Variants in MGMT observed in about 807,000 individuals in gnomAD.
MGMT encodes O-6-methylguanine-DNA methyltransferase.
In MGMT, 14 loss-of-function variants were observed where a neutral mutation model predicts 15.9. The ratio of observed to expected loss-of-function variants is 0.88; its 90% CI spans 0.58 to 1.37. MGMT has a LOEUF of 1.37. MGMT is among the 40% of genes most tolerant of loss of function. The pLI is 0.00. For missense variants in MGMT, 282 were observed against 268.1 expected, an observed-to-expected ratio of 1.05 and a Z score of -0.36; for synonymous variants, 130 against 118.2, an observed-to-expected ratio of 1.10 and a Z score of -0.65.
Position 129,770,239 on chromosome 10 carries a change from C to T in MGMT, c.*3242C>T, listed in dbSNP as rs1848985705. 6.6e-6 allele frequency among the ~76,000 whole-genome samples: 1 copy of T among 152,214 alleles called. No individual in the cohort carries two copies. The highest frequency in any genetic ancestry group is 2.4e-5 in the African/African-American group (1 of 41,462). On this transcript the variant is annotated 3_prime_UTR_variant, in exon 5 of 5. Coordinates refer to ENST00000651593, the MANE Select transcript of MGMT (RefSeq NM_002412.5). The stretch of plus-strand genomic sequence containing the variant: ...TGTAAACAGCAGTATTATCCTGGAA[C>T]TTGTTTCCTACAGAACTGTAAGATA...
intron 2 of MGMT, among the ~76,000 whole-genome samples, chr10:129,643,414 G>T (rs2133091543): frequency 6.6e-6 from 1 of 152,342 alleles, no homozygotes; most frequent in South Asian, 2.1e-4. Context: ...GTAACTCCCT[G>T]GGGGCTGACA....
At chr10:129,505,906 G>A (rs1189592449) in intron 1 of MGMT, among the ~76,000 whole-genome samples, 1 of 151,896 alleles carries the variant, frequency 6.6e-6, no homozygotes, top group African/African-American at 2.4e-5. Flanking sequence ...GGGGTAGTTT[G>A]ATCCCTTCGG....
chr10:129,734,467 C>G (rs1002456547), intron 3 of MGMT, among the ~76,000 whole-genome samples: 1 of 150,956 alleles, frequency 6.6e-6, no homozygotes, highest in African/African-American at 2.4e-5. Context: ...TGGGCTGAGA[C>G]AGTGGGGTCT....
intron 2 of MGMT, among the ~76,000 whole-genome samples, chr10:129,688,158 C>T (rs1029303902): frequency 6.6e-6 from 1 of 152,188 alleles, no homozygotes; most frequent in Non-Finnish European, 1.5e-5. Flanking sequence ...CATACGTGTG[C>T]ATGTGCCTTT....
intron 1 of MGMT, among the ~76,000 whole-genome samples, chr10:129,495,565 C>G (rs1845512175): frequency 6.6e-6 from 1 of 152,152 alleles, no homozygotes; most frequent in East Asian, 1.9e-4. Flanking sequence ...TTCCTGTTTG[C>G]TTGTAGAGAA....
chr10:129,717,141 C>T (rs746811287), intron 3 of MGMT, among the ~76,000 whole-genome samples: 8 of 152,212 alleles, frequency 5.3e-5, no homozygotes, highest in Admixed American at 6.5e-5. Flanking sequence ...TGCTTCAGCC[C>T]GGCAACACAA....
rs549324615 is a variant in MGMT at position 129,543,051 on chromosome 10, C to G, written c.125+6674C>G. 5.9e-5 allele frequency among the ~76,000 whole-genome samples: 9 copies of G among 152,284 alleles called. No homozygotes were observed. The South Asian group carries it at 1.9e-3, about 32-fold the overall frequency. ...ATGGCTAAAAAGACAAGACAGGAAG[C>G]CAAGGTGTTTCTTTTCAGCTCCACA... On this transcript the variant is annotated intron_variant, in intron 2 of 4. Transcript: ENST00000651593.
Position 129,566,771 on chromosome 10 carries a change from G to C in MGMT, c.125+30394G>C, listed in dbSNP as rs1320161015. Reference sequence around the variant, plus strand: ...GTTGGTATTCCTCAGCTCTGCCCCAGGGTCCCTCTGATTCCACGGAGGAGC... The same window carrying C: ...GTTGGTATTCCTCAGCTCTGCCCCACGGTCCCTCTGATTCCACGGAGGAGC... On this transcript the variant is annotated intron_variant, in intron 2 of 4. Transcript: ENST00000651593. This position sits in a 1 kb window ranked among gnomAD's most constrained non-coding sequence, Gnocchi z 4.1. 8.5e-5 allele frequency among the ~76,000 whole-genome samples: 13 copies of C among 152,116 alleles called. No homozygotes were observed. The highest frequency in any genetic ancestry group is 1.8e-4 in the Non-Finnish European group (12 of 68,036).
chr10:129,595,151 G>A (rs1846736599), intron 2 of MGMT, among the ~76,000 whole-genome samples: 1 of 152,154 alleles, frequency 6.6e-6, no homozygotes, highest in African/African-American at 2.4e-5. Flanking sequence ...CCTTTTGTAG[G>A]AAAACTAAGG....
At chr10:129,705,324 G>C (rs1848148016) in intron 2 of MGMT, among the ~76,000 whole-genome samples, 1 of 152,214 alleles carries the variant, frequency 6.6e-6, no homozygotes, top group Non-Finnish European at 1.5e-5. Context: ...TGCTGCTGAG[G>C]CCCTGGTTTC....
chr10:129,496,865 AAATT>A (rs1486549716), intron 1 of MGMT, among the ~76,000 whole-genome samples: 21 of 152,172 alleles, frequency 1.4e-4, no homozygotes, highest in African/African-American at 5.1e-4. Context: ...CTTTTTTAAA[AAATT>A]AATTGTAGAG....
chr10:129,549,095 G>A (rs1589861199), intron 2 of MGMT, among the ~76,000 whole-genome samples: 1 of 152,250 alleles, frequency 6.6e-6, no homozygotes, highest in East Asian at 1.9e-4. Flanking sequence ...ATTTCAGCAC[G>A]TTGACATCAG....
chr10:129,739,978 G>T (rs895084677), intron 3 of MGMT, among the ~76,000 whole-genome samples: 1 of 152,192 alleles, frequency 6.6e-6, no homozygotes, highest in Non-Finnish European at 1.5e-5. Context: ...GTGGCCACTG[G>T]GGGCCCAGGA....
rs1448953343 is a variant in MGMT at position 129,646,744 on chromosome 10, A to ATTTTT, written c.126-61150_126-61149insTTTTT. 1.3e-4 allele frequency among the ~76,000 whole-genome samples: 10 copies of ATTTTT among 79,262 alleles called. 1 individual carries two copies. The highest frequency in any genetic ancestry group is 1.9e-4 in the Non-Finnish European group (7 of 36,002). The allele number at this position is 79,262 out of a possible 152,430, so 52.0% of individuals were successfully genotyped here. A position where few individuals can be genotyped will look rare whatever the true frequency, so the allele number is the denominator to read the frequency against. ...AATATATATATATATATATATATATATATATATATATTTTCAGGGAATGGT... is the reference window on the plus strand; with the variant it reads ...AATATATATATATATATATATATATATTTTTTATATATATATTTTCAGGGAATGGT... On this transcript the variant is annotated intron_variant, in intron 2 of 4. Transcript: ENST00000651593.
At chr10:129,551,039 C>G (rs1267975004) in intron 2 of MGMT, among the ~76,000 whole-genome samples, 1 of 152,156 alleles carries the variant, frequency 6.6e-6, no homozygotes, top group Non-Finnish European at 1.5e-5. Flanking sequence ...TCTACCCTGT[C>G]CCAGCCCCGT....
chr10:129,704,453 G>T lies in MGMT; in HGVS notation c.126-3442G>T, dbSNP rs191568457. On this transcript the variant is annotated intron_variant, in intron 2 of 4. Coordinates refer to ENST00000651593, the MANE Select transcript of MGMT (RefSeq NM_002412.5). Reference sequence around the variant, plus strand: ...ATTAAGGGTACTGGGCTGAATGAGGGCACTGTCTGCGTGAGTTCCCTTGGG... The same window carrying T: ...ATTAAGGGTACTGGGCTGAATGAGGTCACTGTCTGCGTGAGTTCCCTTGGG... Among the ~76,000 whole-genome samples the T allele has an allele frequency of 1.1e-3, 161 of 152,194 alleles. 3 individuals are homozygous for T. Among genetic ancestry groups the T allele is most frequent in the African/African-American group, 3.5e-3 (145 of 41,546 alleles).
intron 1 of MGMT, among the ~76,000 whole-genome samples, chr10:129,481,993 T>G (rs1845363427): frequency 6.6e-6 from 1 of 152,242 alleles, no homozygotes; most frequent in Non-Finnish European, 1.5e-5. Flanking sequence ...GGGTAGAGGC[T>G]TAGATCATTT....
At chr10:129,558,678 C>T (rs1333174705) in intron 2 of MGMT, among the ~76,000 whole-genome samples, 3 of 152,146 alleles carry the variant, frequency 2.0e-5, no homozygotes, top group East Asian at 1.9e-4. Context: ...AAATCTCCGG[C>T]GTCTCTCCTG....
At chr10:129,613,937 A>T (rs1044507771) in intron 2 of MGMT, among the ~76,000 whole-genome samples, 1 of 152,218 alleles carries the variant, frequency 6.6e-6, no homozygotes, top group Non-Finnish European at 1.5e-5. Flanking sequence ...TTTGGTTTTT[A>T]AAATTATGGT....
Sources: gnomAD v4.1 joint callset for allele counts (sites outside exome capture counted in the v4.1 genomes callset) on GRCh38, gnomAD v4.1.1 for gene constraint, Gnocchi (gnomAD v3.1) non-coding constraint, MANE v1.5 for transcripts, NCBI Gene and HGNC (gene_info 2026-07-23, HGNC 2026-07-21) for gene names.